Variants in ELOVL6 observed in about 807,000 individuals in gnomAD.
ELOVL6 encodes very long chain fatty acid elongase 6.
ELOVL6 carries 8 observed loss-of-function variants against 31.7 expected under a neutral mutation model. The ratio of observed to expected loss-of-function variants is 0.25; its 90% CI spans 0.15 to 0.45. The LOEUF is 0.45. Ranked by LOEUF, ELOVL6 falls within the 20% of genes least tolerant of loss-of-function variation. The pLI, the probability that ELOVL6 is intolerant of heterozygous loss-of-function variation, is 1.00. For missense variants in ELOVL6, 126 were observed against 326.4 expected (o/e 0.39, Z 4.73); for synonymous variants, 101 against 117.7 (o/e 0.86, Z 0.92).
At chr4:110,105,722 A>C (rs895065356) in intron 1 of ELOVL6, 94 bp from the exon 2 acceptor site, 171 of 1,191,218 alleles carry the variant, frequency 1.4e-4, no homozygotes, top group Non-Finnish European at 1.9e-4. Flanking sequence ...CACTGAAAAA[A>C]TATTCTTGAG....
At chr4:110,106,655 G>T (rs1756898845) in intron 1 of ELOVL6, among the ~76,000 whole-genome samples, 2 of 152,144 alleles carry the variant, frequency 1.3e-5, no homozygotes, top group Non-Finnish European at 2.9e-5. Flanking sequence ...GTTTTGGCCA[G>T]CTTCTTAACT....
chr4:110,168,318 C>T (rs556476800), intron 1 of ELOVL6, among the ~76,000 whole-genome samples: 22 of 152,052 alleles, frequency 1.4e-4, no homozygotes, highest in South Asian at 4.2e-4. Flanking sequence ...AGTTCGAGAC[C>T]GGCTTGGGCA....
intron 2 of ELOVL6, among the ~76,000 whole-genome samples, chr4:110,100,903 T>C (rs1756722674): frequency 6.6e-6 from 1 of 152,190 alleles, no homozygotes; most frequent in South Asian, 2.1e-4. Flanking sequence ...TAGTTGAAAA[T>C]GCATGAATTA....
intron 1 of ELOVL6, among the ~76,000 whole-genome samples, chr4:110,185,382 C>T (rs1034851935): frequency 6.6e-6 from 1 of 152,096 alleles, no homozygotes; most frequent in Admixed American, 6.6e-5. Flanking sequence ...GCCGTTTTAG[C>T]AGAATATGTA....
rs1754702519 is a variant in ELOVL6, at chr4:110,046,565, T to A, written c.*4773A>T. On this transcript the variant is annotated 3_prime_UTR_variant, in exon 4 of 4. Coordinates refer to ENST00000302274, the MANE Select transcript of ELOVL6 (RefSeq NM_024090.3). The stretch of plus-strand genomic sequence containing the variant: ...CCCCTGCCATCTGTGAGCTCTGAAT[T>A]GTCAAAGTCTCTGAGGATGAGGAAA... 2 of 152,346 alleles carry A rather than the reference T, an allele frequency of 1.3e-5. No individual in the cohort carries two copies. The highest frequency in any genetic ancestry group is 6.5e-5 in the Admixed American group (1 of 15,296). The allele number at this position is 152,346 out of a possible 1,614,324, so 9.4% of individuals were successfully genotyped here.
At chr4:110,076,688 T>A (rs1445973778) in intron 2 of ELOVL6, among the ~76,000 whole-genome samples, 1 of 152,168 alleles carries the variant, frequency 6.6e-6, no homozygotes, top group Non-Finnish European at 1.5e-5. Context: ...TTTCTGCATT[T>A]CCAACTGAGG....
intron 1 of ELOVL6, among the ~76,000 whole-genome samples, chr4:110,121,974 T>G (rs1757370454): frequency 6.6e-6 from 1 of 152,132 alleles, no homozygotes; most frequent in African/African-American, 2.4e-5. Context: ...AGTGTTTGCC[T>G]ACTTTGCTAT....
rs1011071179 is a variant in ELOVL6 at position 110,083,005 on chromosome 4, C to T, written c.221+22492G>A. ...AATCTAGTGCCCAACATGAGCAAAA[C>T]AAGAGAACACAGGTATCCTTTTAGG... On this transcript the variant is annotated intron_variant, in intron 2 of 3. Transcript: ENST00000302274. 1.7e-4 allele frequency among the ~76,000 whole-genome samples: 25 copies of T among 151,498 alleles called. 1 individual carries two copies. The highest frequency in any genetic ancestry group is 5.6e-4 in the African/African-American group (23 of 40,898).
rs74861780 is a variant in ELOVL6 at position 110,086,154 on chromosome 4, C to G, written c.221+19343G>C. ...ATCTAATCGAAGCCACTAATGAAGT[C>G]TTTCTGGATTTAGTCCTCTTTAACT... On this transcript the variant is annotated intron_variant, in intron 2 of 3. Transcript: ENST00000302274. 3.7e-3 allele frequency among the ~76,000 whole-genome samples: 561 copies of G among 152,290 alleles called. 2 individuals carry two copies. The highest frequency in any genetic ancestry group is 0.013 in the African/African-American group (543 of 41,542).
chr4:110,177,852 C>A (rs1759154924), intron 1 of ELOVL6, among the ~76,000 whole-genome samples: 1 of 152,128 alleles, frequency 6.6e-6, no homozygotes, highest in Admixed American at 6.6e-5. Flanking sequence ...CCCTGATTGG[C>A]ATAAATGTTC....
chr4:110,184,549 T>C (rs969410946), intron 1 of ELOVL6, among the ~76,000 whole-genome samples: 1 of 151,896 alleles, frequency 6.6e-6, no homozygotes, highest in Non-Finnish European at 1.5e-5. Flanking sequence ...CCACTGAAGG[T>C]TTTTAACCAT....
chr4:110,083,182 G>A (rs2126232739), intron 2 of ELOVL6, among the ~76,000 whole-genome samples: 1 of 151,820 alleles, frequency 6.6e-6, no homozygotes, highest in South Asian at 2.1e-4. Context: ...TCTAGTGAGG[G>A]AGACTGATGA....
At chr4:110,098,467 A>T (rs545189513) in intron 2 of ELOVL6, among the ~76,000 whole-genome samples, 2 of 152,204 alleles carry the variant, frequency 1.3e-5, no homozygotes, top group South Asian at 4.1e-4. Context: ...CCCTGGTTTG[A>T]CCATTTTGTA....
intron 1 of ELOVL6, among the ~76,000 whole-genome samples, chr4:110,153,003 G>GT (rs1758321899): frequency 6.6e-6 from 1 of 152,160 alleles, no homozygotes; most frequent in African/African-American, 2.4e-5. Context: ...TTGAAGAGCA[G>GT]GAATGACACA....
intron 3 of ELOVL6, among the ~76,000 whole-genome samples, chr4:110,055,897 C>T (rs9997849): frequency 0.082 from 12,437 of 152,144 alleles, 551 homozygotes; most frequent in Middle Eastern, 0.095. Flanking sequence ...TGGCCTACAA[C>T]CCCATAATTC....
chr4:110,194,778 T>C (rs1461261587), intron 1 of ELOVL6, among the ~76,000 whole-genome samples: 1 of 152,220 alleles, frequency 6.6e-6, no homozygotes, highest in African/African-American at 2.4e-5. Context: ...TCCTCTTAAA[T>C]GATGCTAGTT....
At chr4:110,168,469 A>G (rs1057430839) in intron 1 of ELOVL6, among the ~76,000 whole-genome samples, 1 of 152,138 alleles carries the variant, frequency 6.6e-6, no homozygotes, top group Non-Finnish European at 1.5e-5. Context: ...CTGTGAGCCA[A>G]GATCGTGCCA....
At chr4:110,070,903 T>G (rs1222482875) in intron 2 of ELOVL6, among the ~76,000 whole-genome samples, 2 of 152,122 alleles carry the variant, frequency 1.3e-5, no homozygotes, top group African/African-American at 4.8e-5. Context: ...TTAATCAGCC[T>G]CAGGTAGCTC....
At chr4:110,104,142 G>C (rs1756824049) in intron 2 of ELOVL6, among the ~76,000 whole-genome samples, 1 of 152,164 alleles carries the variant, frequency 6.6e-6, no homozygotes, top group Non-Finnish European at 1.5e-5. Flanking sequence ...AATAACAAAA[G>C]ATAAAGGTGC....
Sources: allele counts gnomAD v4.1 joint callset (sites outside exome capture counted in the v4.1 genomes callset), GRCh38; gene constraint gnomAD v4.1.1; transcripts MANE v1.5; gene names NCBI Gene and HGNC (gene_info 2026-07-23, HGNC 2026-07-21).